The following NCKAP5 variants were observed in gnomAD, a reference collection of about 807,000 sequenced individuals.
NCKAP5 encodes nck-associated protein 5.
A neutral mutation model predicts 167.0 loss-of-function variants in NCKAP5; 92 were observed. That is an observed-to-expected ratio of 0.55 (90% CI 0.47 to 0.66). The LOEUF is 0.66. NCKAP5 is among the 30% of genes least tolerant of loss of function. The probability of loss-of-function intolerance (pLI) is 0.00; values close to 1 mark genes in which losing one functional copy is unlikely to be tolerated. For synonymous variants in NCKAP5, 891 were observed against 877.4 expected, an observed-to-expected ratio of 1.02 and a Z score of -0.27; for missense variants, 2,378 against 2,315.0, an observed-to-expected ratio of 1.03 and a Z score of -0.56.
chr2:133,422,684 AC>A (rs1446301561), intron 3 of NCKAP5, among the ~76,000 whole-genome samples: 9 of 152,184 alleles, frequency 5.9e-5, no homozygotes, highest in Non-Finnish European at 1.0e-4. Flanking sequence ...ACATTTCCTG[AC>A]ACTTAATGAA....
chr2:133,106,644 T>A (rs1228689031), intron 6 of NCKAP5, among the ~76,000 whole-genome samples: 1 of 152,166 alleles, frequency 6.6e-6, no homozygotes, highest in Non-Finnish European at 1.5e-5. Flanking sequence ...TCTTCTTGAA[T>A]GCTATTGGGA....
At chr2:132,841,731 T>A (rs1688309860) in intron 11 of NCKAP5, among the ~76,000 whole-genome samples, 3 of 152,156 alleles carry the variant, frequency 2.0e-5, no homozygotes. Context: ...AGTATTGAAC[T>A]TTTCAAGCAC....
chr2:133,430,033 G>T (rs1280721999), intron 3 of NCKAP5, among the ~76,000 whole-genome samples: 4 of 152,012 alleles, frequency 2.6e-5, no homozygotes, highest in African/African-American at 9.7e-5. Context: ...ATGTGAGATG[G>T]TATCTCATTG....
chr2:133,619,218 G>C, the NCKAP5 span, among the ~76,000 whole-genome samples: 1 of 139,026 alleles, frequency 7.2e-6, no homozygotes, highest in East Asian at 2.1e-4. Flanking sequence ...TGACGAGTTA[G>C]TGGGTGCAGC....
At chr2:133,440,720 A>G (rs1437968873) in intron 3 of NCKAP5, among the ~76,000 whole-genome samples, 1 of 150,404 alleles carries the variant, frequency 6.6e-6, no homozygotes, top group African/African-American at 2.4e-5. Flanking sequence ...AAAAAAAAAA[A>G]AAAAAAAAAA....
chr2:132,726,437 G>A (rs1332367856), intron 18 of NCKAP5, among the ~76,000 whole-genome samples: 1 of 152,246 alleles, frequency 6.6e-6, no homozygotes, highest in Admixed American at 6.5e-5. Context: ...TTGCTGAGGC[G>A]GTTGACGCTG....
chr2:132,854,025 T>G (rs186087089), intron 11 of NCKAP5, among the ~76,000 whole-genome samples: 24 of 152,322 alleles, frequency 1.6e-4, no homozygotes, highest in Non-Finnish European at 3.2e-4. Context: ...TTTGCCTGGT[T>G]TCACGTAATC....
At chr2:133,248,181 G>A (rs2088101600) in intron 4 of NCKAP5, among the ~76,000 whole-genome samples, 1 of 152,158 alleles carries the variant, frequency 6.6e-6, no homozygotes, top group Non-Finnish European at 1.5e-5. Flanking sequence ...TACAGCCCCT[G>A]GGAGAAGGTG....
intron 3 of NCKAP5, among the ~76,000 whole-genome samples, chr2:133,314,833 A>G (rs1207085611): frequency 3.3e-5 from 5 of 152,170 alleles, no homozygotes. Context: ...TGGTGGAGGA[A>G]GACCACACTG....
intron 2 of NCKAP5, among the ~76,000 whole-genome samples, chr2:133,539,868 A>T (rs1180687338): frequency 6.6e-6 from 1 of 152,230 alleles, no homozygotes; most frequent in Non-Finnish European, 1.5e-5. Flanking sequence ...GAAATTTTCA[A>T]AACAGAAGAA....
At chr2:132,887,365 T>TTCCG (rs1692330011) in intron 8 of NCKAP5, among the ~76,000 whole-genome samples, 10 of 133,898 alleles carry the variant, frequency 7.5e-5, no homozygotes, top group Admixed American at 2.3e-4. Flanking sequence ...CCATCCATCT[T>TTCCG]TCCATCCATC....
chr2:132,712,074 A>G (rs1228624504), intron 19 of NCKAP5, among the ~76,000 whole-genome samples: 3 of 152,180 alleles, frequency 2.0e-5, no homozygotes, highest in African/African-American at 4.8e-5. Context: ...ATTCACTGGC[A>G]CACACAGATC....
intron 6 of NCKAP5, among the ~76,000 whole-genome samples, chr2:133,015,669 A>G (rs192921618): frequency 2.0e-5 from 3 of 152,322 alleles, no homozygotes; most frequent in Admixed American, 2.0e-4. Context: ...CCCACTAATT[A>G]TTGAGTCTTA....
chr2:133,585,889 G>C, the NCKAP5 span, among the ~76,000 whole-genome samples: 2 of 152,186 alleles, frequency 1.3e-5, no homozygotes, highest in African/African-American at 4.8e-5. Flanking sequence ...TAGAGAAAGA[G>C]ATTCCACAAG....
At chr2:133,388,269 C>A (rs1163561509) in intron 3 of NCKAP5, among the ~76,000 whole-genome samples, 3 of 152,188 alleles carry the variant, frequency 2.0e-5, no homozygotes, top group Non-Finnish European at 4.4e-5. Flanking sequence ...CAGTCAGGAC[C>A]CTCAGCTGCA....
intron 6 of NCKAP5, among the ~76,000 whole-genome samples, chr2:133,076,329 G>T (rs929732299): frequency 6.6e-6 from 1 of 152,104 alleles, no homozygotes; most frequent in Non-Finnish European, 1.5e-5. Context: ...GCTGACTGGA[G>T]GACTTGAGCA....
chr2:133,071,486 C>G (rs1490764460), intron 6 of NCKAP5, among the ~76,000 whole-genome samples: 15 of 152,098 alleles, frequency 9.9e-5, no homozygotes, highest in Admixed American at 9.8e-4. Context: ...TCACAGTGGC[C>G]CTAACATGCC....
At chr2:133,614,545 A>G in the NCKAP5 span, among the ~76,000 whole-genome samples, 1 of 152,282 alleles carries the variant, frequency 6.6e-6, no homozygotes, top group African/African-American at 2.4e-5. Context: ...AAGAAAGGGT[A>G]TCAGCGATGG....
chr2:133,437,971 C>T (rs1690600122), intron 3 of NCKAP5, among the ~76,000 whole-genome samples: 1 of 152,104 alleles, frequency 6.6e-6, no homozygotes, highest in South Asian at 2.1e-4. Context: ...AGGGATTTGC[C>T]TGCATTTAAA....
Sources: allele counts gnomAD v4.1 joint callset (sites outside exome capture counted in the v4.1 genomes callset), GRCh38; gene constraint gnomAD v4.1.1; transcripts MANE v1.5; gene names NCBI Gene and HGNC (gene_info 2026-07-23, HGNC 2026-07-21).